The following GRIP1 variants were observed in gnomAD, a reference collection of about 807,000 sequenced individuals.
GRIP1 encodes the protein glutamate receptor interacting protein 1.
A neutral mutation model predicts 129.9 loss-of-function variants in GRIP1; 45 were observed. The ratio of observed to expected loss-of-function variants is 0.35; its 90% CI spans 0.27 to 0.44. The LOEUF is 0.44. Ranked by LOEUF, GRIP1 falls within the 20% of genes least tolerant of loss-of-function variation. GRIP1 has a pLI of 1.00. For missense variants in GRIP1, 1,196 were observed against 1,396.8 expected (o/e 0.86, Z 2.29); for synonymous variants, 530 against 520.8 (o/e 1.02, Z -0.24).
chr12:66,433,325 C>T (rs112762424), intron 13 of GRIP1, among the ~76,000 whole-genome samples: 3 of 152,276 alleles, frequency 2.0e-5, no homozygotes, highest in African/African-American at 7.2e-5. Flanking sequence ...AAACTAGATG[C>T]TGACCACAGA....
At chr12:66,979,252 A>AAAACAAG (rs772753895) in intron 1 of GRIP1, among the ~76,000 whole-genome samples, 1 of 110,162 alleles carries the variant, frequency 9.1e-6, no homozygotes, top group Non-Finnish European at 1.8e-5. Flanking sequence ...AAAAAAAAAA[A>AAAACAAG]AACAAGCCCG....
At chr12:66,885,423 T>A (rs1472724726) in intron 1 of GRIP1, among the ~76,000 whole-genome samples, 2 of 152,066 alleles carry the variant, frequency 1.3e-5, no homozygotes, top group African/African-American at 2.4e-5. Context: ...CAGGATGGTC[T>A]GAGACAAAAA....
chr12:66,643,695 C>G (rs2032125113), intron 1 of GRIP1, among the ~76,000 whole-genome samples: 1 of 152,082 alleles, frequency 6.6e-6, no homozygotes, highest in South Asian at 2.1e-4. Flanking sequence ...CTCCCAGTAG[C>G]TGGGATTACA....
chr12:66,421,493 A>G (rs143449336), intron 14 of GRIP1, among the ~76,000 whole-genome samples: 1 of 152,216 alleles, frequency 6.6e-6, no homozygotes, highest in African/African-American at 2.4e-5. Context: ...GCAGTGATCC[A>G]AGGATCACAC....
intron 20 of GRIP1, 137 bp downstream of exon 20, chr12:66,379,143 T>C (rs2055972170): frequency 1.0e-6 from 1 of 1,000,364 alleles, no homozygotes; most frequent in African/African-American, 1.6e-5. Flanking sequence ...TCCTGCCATG[T>C]GGCCAGCATG....
chr12:66,799,281 A>T (rs1308958897), intron 1 of GRIP1, among the ~76,000 whole-genome samples: 1 of 152,214 alleles, frequency 6.6e-6, no homozygotes. Flanking sequence ...AATATACTAT[A>T]GATGGAAAGC....
chr12:66,401,607 T>TACAC (rs1347707196), intron 16 of GRIP1, among the ~76,000 whole-genome samples: 1 of 121,342 alleles, frequency 8.2e-6, no homozygotes, highest in African/African-American at 3.6e-5. Flanking sequence ...TGTATATATA[T>TACAC]ATACACACAC....
chr12:66,714,897 AT>A (rs2035825832), intron 1 of GRIP1, among the ~76,000 whole-genome samples: 2 of 148,974 alleles, frequency 1.3e-5, no homozygotes, highest in African/African-American at 2.5e-5. Context: ...CCATCCATCC[AT>A]CCATCCATCC....
At chr12:66,979,168 A>C (rs1040334875) in intron 1 of GRIP1, among the ~76,000 whole-genome samples, 3 of 135,326 alleles carry the variant, frequency 2.2e-5, no homozygotes, top group Non-Finnish European at 4.6e-5. Context: ...TTTGATCCCC[A>C]TGACCCCACT....
At chr12:66,372,026 TAC>T (rs1160115577) in intron 22 of GRIP1, 99 bp from the exon 23 acceptor site, 13 of 809,690 alleles carry the variant, frequency 1.6e-5, no homozygotes, top group South Asian at 7.1e-5. Flanking sequence ...GAGGTAAAAA[TAC>T]AGTCTCTTCA....
chr12:66,433,269 C>G (rs1384561793), intron 13 of GRIP1, among the ~76,000 whole-genome samples: 3 of 124,566 alleles, frequency 2.4e-5, no homozygotes, highest in Admixed American at 9.3e-5. Context: ...TATTTCACAA[C>G]CAAAACAGTA....
intron 1 of GRIP1, among the ~76,000 whole-genome samples, chr12:66,799,342 G>A (rs1446431878): frequency 6.6e-6 from 1 of 152,092 alleles, no homozygotes; most frequent in Non-Finnish European, 1.5e-5. Flanking sequence ...AAGCAAGTTT[G>A]CCCTATTTCT....
At position 66,778,276 on chromosome 12, in the gene GRIP1, A is replaced by T. The variant is rs184359537; in HGVS notation, c.-420+25777T>A. On this transcript the variant is annotated intron_variant, in intron 1 of 4. Coordinates refer to the GRIP1 transcript ENST00000538373. ...CTCTCCAAAAAGAAATTTTACACAC[A>T]CACACACAGACATATTATTAAAAGT... Among the ~76,000 whole-genome samples, 47 of 152,312 alleles carry T rather than the reference A, an allele frequency of 3.1e-4. 1 individual carries two copies. The highest frequency in any genetic ancestry group is 1.1e-3 in the African/African-American group (46 of 41,576).
At chr12:66,965,598 A>C in intron 1 of GRIP1, among the ~76,000 whole-genome samples, 1 of 95,394 alleles carries the variant, frequency 1.0e-5, no homozygotes, top group East Asian at 6.3e-4. Flanking sequence ...TGTGTGTGTG[A>C]GATATTATTA....
intron 1 of GRIP1, among the ~76,000 whole-genome samples, chr12:66,809,398 A>G (rs1191824280): frequency 6.6e-6 from 1 of 152,200 alleles, no homozygotes; most frequent in East Asian, 1.9e-4. Context: ...TAAGACATTA[A>G]ATTAATCTGG....
At chr12:66,453,479 A>G (rs1344205184) in intron 11 of GRIP1, among the ~76,000 whole-genome samples, 2 of 152,234 alleles carry the variant, frequency 1.3e-5, no homozygotes, top group Admixed American at 1.3e-4. Flanking sequence ...TCTACGTATT[A>G]TGCCAAAATG....
At chr12:66,354,221 C>G (rs1410422132) in intron 23 of GRIP1, among the ~76,000 whole-genome samples, 1 of 152,120 alleles carries the variant, frequency 6.6e-6, no homozygotes, top group Non-Finnish European at 1.5e-5. Context: ...GCGGCCTGCC[C>G]CCCACCCCGG....
chr12:67,047,303 T>A (rs1375754932), intron 1 of GRIP1, among the ~76,000 whole-genome samples: 2 of 152,182 alleles, frequency 1.3e-5, no homozygotes, highest in Non-Finnish European at 2.9e-5. Context: ...AAAAACACAT[T>A]CTTATTATAG....
rs2036211617 is a variant in GRIP1 at position 66,725,156 on chromosome 12, G to T, written c.-420+78897C>A. ...CAAATTAAAAACAAAAACAAAAACA[G>T]CTGGACATGGTGGTGCATTCCTGCA... On this transcript the variant is annotated intron_variant, in intron 1 of 4. Coordinates refer to the GRIP1 transcript ENST00000538373. Among the ~76,000 whole-genome samples, 4 of 151,924 alleles carry T rather than the reference G, an allele frequency of 2.6e-5. No individual in the cohort carries two copies. The South Asian group carries it at 8.3e-4, about 32-fold the overall frequency.
Sources: allele counts gnomAD v4.1 joint callset (sites outside exome capture counted in the v4.1 genomes callset), GRCh38; gene constraint gnomAD v4.1.1; transcripts MANE v1.5; gene names NCBI Gene and HGNC (gene_info 2026-07-23, HGNC 2026-07-21).